Variants in STK32B observed in about 807,000 individuals in gnomAD.
STK32B encodes the protein serine/threonine-protein kinase 32B.
A neutral mutation model predicts 52.6 loss-of-function variants in STK32B; 43 were observed. That is an observed-to-expected ratio of 0.82 (90% CI 0.64 to 1.05). STK32B has a LOEUF of 1.05. STK32B is among the 50% of genes least tolerant of loss of function. The pLI, the probability that STK32B is intolerant of heterozygous loss-of-function variation, is 0.00. For synonymous variants in STK32B, 238 were observed against 204.3 expected (o/e 1.17, Z -1.41); for missense variants, 621 against 534.6 (o/e 1.16, Z -1.59).
At chr4:5,223,847 C>T (rs997165224) in intron 3 of STK32B, among the ~76,000 whole-genome samples, 27 of 146,626 alleles carry the variant, frequency 1.8e-4, no homozygotes, top group Middle Eastern at 7.0e-3. Flanking sequence ...TAACATTATT[C>T]TCCAACTTTA....
chr4:5,464,660 G>T (rs1323313002), intron 9 of STK32B, among the ~76,000 whole-genome samples: 2 of 152,212 alleles, frequency 1.3e-5, no homozygotes, highest in African/African-American at 2.4e-5. Flanking sequence ...ATAACTTTGT[G>T]TGACTTATCT....
At chr4:5,115,293 C>T (rs1229190830) in intron 1 of STK32B, among the ~76,000 whole-genome samples, 1 of 152,136 alleles carries the variant, frequency 6.6e-6, no homozygotes, top group African/African-American at 2.4e-5. Context: ...AGGCCCAAGC[C>T]CAGTTCTAAT....
chr4:5,436,580 C>T, intron 6 of STK32B: 1 of 985,382 alleles, frequency 1.0e-6, no homozygotes, highest in Non-Finnish European at 1.2e-6. Context: ...AGCTGGGAAG[C>T]TATGCTGCTC....
At chr4:5,023,813 C>T in the STK32B span, among the ~76,000 whole-genome samples, 1 of 152,200 alleles carries the variant, frequency 6.6e-6, no homozygotes, top group African/African-American at 2.4e-5. Context: ...GTTTCAAAGT[C>T]TCCCTGGCTC....
intron 6 of STK32B, 73 bp downstream of exon 6, chr4:5,417,007 C>A (rs531214709): frequency 3.6e-6 from 5 of 1,375,572 alleles, no homozygotes; most frequent in Non-Finnish European, 5.0e-6. Context: ...TCTCTTGTTT[C>A]ATCTGCCACT....
intron 3 of STK32B, among the ~76,000 whole-genome samples, chr4:5,327,011 C>T (rs1277194038): frequency 6.6e-6 from 1 of 152,132 alleles, no homozygotes; most frequent in Non-Finnish European, 1.5e-5. Context: ...ATGTGTACAG[C>T]ACCTTCATCA....
chr4:5,286,644 A>G (rs973340572), intron 3 of STK32B, among the ~76,000 whole-genome samples: 8 of 152,196 alleles, frequency 5.3e-5, no homozygotes, highest in African/African-American at 1.9e-4. Flanking sequence ...TTTCCACTGT[A>G]TAATTATAGC....
intron 1 of STK32B, among the ~76,000 whole-genome samples, chr4:5,057,339 C>T (rs1423313804): frequency 6.6e-6 from 1 of 152,238 alleles, no homozygotes; most frequent in Non-Finnish European, 1.5e-5. Flanking sequence ...GGACCCTACA[C>T]TGCCAGTAGC....
chr4:5,404,286 C>T (rs1231791767), intron 5 of STK32B, among the ~76,000 whole-genome samples: 1 of 152,124 alleles, frequency 6.6e-6, no homozygotes, highest in African/African-American at 2.4e-5. Context: ...GGGCCCTCTT[C>T]CAGCTCTGGC....
At chr4:5,209,044 TTGTCCAGTG>T (rs1477586917) in intron 3 of STK32B, among the ~76,000 whole-genome samples, 1 of 152,228 alleles carries the variant, frequency 6.6e-6, no homozygotes, top group Non-Finnish European at 1.5e-5. Flanking sequence ...CCCCTTTTCC[TTGTCCAGTG>T]TGCTCTGTCT....
chr4:5,086,487 A>G (rs566998505), intron 1 of STK32B, among the ~76,000 whole-genome samples: 34 of 152,366 alleles, frequency 2.2e-4, no homozygotes, highest in African/African-American at 6.7e-4. Context: ...CATCAAGTGT[A>G]GCAACCATAA....
chr4:5,413,450 G>A, intron 5 of STK32B, among the ~76,000 whole-genome samples: 1 of 152,142 alleles, frequency 6.6e-6, no homozygotes, highest in East Asian at 1.9e-4. Context: ...TCTTTATGCT[G>A]TTTTTCCTTG....
At chr4:5,239,130 C>T (rs1724826562) in intron 3 of STK32B, among the ~76,000 whole-genome samples, 1 of 152,108 alleles carries the variant, frequency 6.6e-6, no homozygotes. Flanking sequence ...GTAGTGAAGG[C>T]TGGTGTTACC....
intron 3 of STK32B, among the ~76,000 whole-genome samples, chr4:5,326,427 G>A (rs556402218): frequency 4.0e-5 from 6 of 151,796 alleles, no homozygotes; most frequent in Non-Finnish European, 8.8e-5. Context: ...TGAAGTTCAG[G>A]GATGGATCTT....
intron 5 of STK32B, among the ~76,000 whole-genome samples, chr4:5,406,534 C>T (rs951516771): frequency 2.6e-5 from 4 of 152,176 alleles, no homozygotes; most frequent in Non-Finnish European, 5.9e-5. Flanking sequence ...ACCTGGACAT[C>T]CAGACATTTC....
intron 11 of STK32B, among the ~76,000 whole-genome samples, chr4:5,486,027 G>A (rs1183737341): frequency 2.0e-5 from 3 of 152,174 alleles, no homozygotes; most frequent in African/African-American, 4.8e-5. Context: ...TAGGCTACTC[G>A]GGGATCAGGG....
At chr4:5,102,591 G>T (rs1208597280) in intron 1 of STK32B, among the ~76,000 whole-genome samples, 3 of 150,302 alleles carry the variant, frequency 2.0e-5, no homozygotes, top group East Asian at 2.0e-4. Flanking sequence ...GTATGCAGTG[G>T]TGTGATCATG....
intron 3 of STK32B, among the ~76,000 whole-genome samples, chr4:5,315,358 G>A (rs1262030011): frequency 6.6e-6 from 1 of 152,018 alleles, no homozygotes; most frequent in Non-Finnish European, 1.5e-5. Context: ...ATGTATCTTG[G>A]ATAAATTTTA....
At chr4:5,252,126 G>A (rs899326277) in intron 3 of STK32B, among the ~76,000 whole-genome samples, 1 of 152,096 alleles carries the variant, frequency 6.6e-6, no homozygotes, top group Admixed American at 6.5e-5. Context: ...GGAGCTCCTA[G>A]GAAGAAAATT....
Sources: allele counts gnomAD v4.1 joint callset (sites outside exome capture counted in the v4.1 genomes callset), GRCh38; gene constraint gnomAD v4.1.1; transcripts MANE v1.5; gene names NCBI Gene and HGNC (gene_info 2026-07-23, HGNC 2026-07-21).